The following DPP10 variants were observed in gnomAD, a reference collection of about 807,000 sequenced individuals.
The protein encoded by DPP10 is inactive dipeptidyl peptidase 10.
A neutral mutation model predicts 120.9 loss-of-function variants in DPP10; 33 were observed. The ratio of observed to expected loss-of-function variants is 0.27; its 90% confidence interval spans 0.21 to 0.37. The LOEUF is 0.37. DPP10 is among the 10% of genes least tolerant of loss of function. The probability of loss-of-function intolerance (pLI) is 1.00; values close to 1 mark genes in which losing one functional copy is unlikely to be tolerated. For synonymous variants in DPP10, 337 were observed against 326.1 expected (o/e 1.03, Z -0.36); for missense variants, 816 against 942.8 (o/e 0.87, Z 1.76).
chr2:115,342,420 G>T (rs538021757), intron 2 of DPP10, among the ~76,000 whole-genome samples: 3 of 152,132 alleles, frequency 2.0e-5, no homozygotes, highest in Admixed American at 1.3e-4. Context: ...CACCATGTTG[G>T]CTAGGCTGGC....
chr2:114,997,858 C>T (rs561073028), intron 1 of DPP10, among the ~76,000 whole-genome samples: 1 of 152,216 alleles, frequency 6.6e-6, no homozygotes, highest in South Asian at 2.1e-4. Flanking sequence ...TTGTATGTAC[C>T]TAATGAGATA....
At chr2:115,533,223 G>A (rs2078582752) in intron 5 of DPP10, among the ~76,000 whole-genome samples, 1 of 151,958 alleles carries the variant, frequency 6.6e-6, no homozygotes, top group African/African-American at 2.4e-5. Context: ...TACATAATGG[G>A]ACATAAATCT....
chr2:114,549,410 C>G (rs912724881), intron 1 of DPP10, among the ~76,000 whole-genome samples: 1 of 152,026 alleles, frequency 6.6e-6, no homozygotes, highest in Non-Finnish European at 1.5e-5. Context: ...CGCCTATAGT[C>G]CCAGCATTTT....
intron 2 of DPP10, among the ~76,000 whole-genome samples, chr2:115,318,575 G>C (rs1490997933): frequency 6.6e-6 from 1 of 151,924 alleles, no homozygotes; most frequent in African/African-American, 2.4e-5. Flanking sequence ...TTTCATTCTG[G>C]AAATAATTTA....
At chr2:114,852,306 C>A (rs1270259989) in intron 1 of DPP10, among the ~76,000 whole-genome samples, 1 of 151,898 alleles carries the variant, frequency 6.6e-6, no homozygotes, top group Non-Finnish European at 1.5e-5. Context: ...TCCTGATTGG[C>A]TCACTTTCAT....
At chr2:114,802,648 A>G (rs941906960) in intron 1 of DPP10, among the ~76,000 whole-genome samples, 2 of 152,204 alleles carry the variant, frequency 1.3e-5, no homozygotes, top group African/African-American at 4.8e-5. Flanking sequence ...CAAGGGAAAT[A>G]AATGAAATGA....
intron 1 of DPP10, among the ~76,000 whole-genome samples, chr2:115,155,790 A>G (rs963871514): frequency 6.6e-6 from 1 of 152,294 alleles, no homozygotes; most frequent in South Asian, 2.1e-4. Context: ...GATTTATGGT[A>G]TTTCATTTCA....
Position 115,251,170 on chromosome 2 carries a change from T to C in DPP10, c.61-58069T>C, listed in dbSNP as rs1250225547. 3.3e-5 allele frequency among the ~76,000 whole-genome samples: 5 copies of C among 152,334 alleles called. No homozygotes were observed. The East Asian group carries it at 7.7e-4, about 24-fold the overall frequency. On this transcript the variant is annotated intron_variant, in intron 1 of 25. Coordinates refer to ENST00000410059, the MANE Select transcript of DPP10 (RefSeq NM_020868.6). The stretch of plus-strand genomic sequence containing the variant: ...CTATCTTTATCTTGATTGGAATCTA[T>C]GACTATTTTAAACACTTTCTCCAAT...
chr2:114,663,727 C>A (rs1038828696), intron 1 of DPP10, among the ~76,000 whole-genome samples: 29 of 144,836 alleles, frequency 2.0e-4, no homozygotes, highest in African/African-American at 5.9e-4. Context: ...TCTAGAGCCA[C>A]CCTACTTGGA....
intron 1 of DPP10, among the ~76,000 whole-genome samples, chr2:114,444,032 G>C (rs975994750): frequency 6.6e-6 from 1 of 151,878 alleles, no homozygotes; most frequent in Non-Finnish European, 1.5e-5. Flanking sequence ...GGGTTTCCAG[G>C]GTATATTAAA....
chr2:115,379,622 C>G (rs1284771320), intron 3 of DPP10, among the ~76,000 whole-genome samples: 3 of 152,126 alleles, frequency 2.0e-5, no homozygotes, highest in Admixed American at 6.5e-5. Flanking sequence ...TCTTGCTTTT[C>G]TAGTTCTTTT....
intron 1 of DPP10, among the ~76,000 whole-genome samples, chr2:114,593,568 G>C (rs1488172819): frequency 1.3e-5 from 2 of 152,058 alleles, no homozygotes; most frequent in Admixed American, 1.3e-4. Flanking sequence ...ATTCATCGCA[G>C]TCGGTCTTTT....
At chr2:115,311,531 G>A (rs1425332865) in intron 2 of DPP10, among the ~76,000 whole-genome samples, 1 of 152,098 alleles carries the variant, frequency 6.6e-6, no homozygotes, top group African/African-American at 2.4e-5. Context: ...TAGTCTCCTG[G>A]GGTCAAATTA....
At chr2:114,582,580 T>C (rs1167213035) in intron 1 of DPP10, among the ~76,000 whole-genome samples, 4 of 152,240 alleles carry the variant, frequency 2.6e-5, no homozygotes, top group Non-Finnish European at 5.9e-5. Context: ...ACTCCTGTTG[T>C]TCAACATCTT....
At chr2:114,953,307 T>A (rs1193771263) in intron 1 of DPP10, among the ~76,000 whole-genome samples, 1 of 152,150 alleles carries the variant, frequency 6.6e-6, no homozygotes, top group East Asian at 1.9e-4. Flanking sequence ...ATAAAGTCTA[T>A]CTTTTTTATT....
In DPP10 at chr2:115,799,060, C is replaced by T. The variant is rs74854637; in HGVS notation, c.1700+7704C>T. Among the ~76,000 whole-genome samples, 1,515 of 152,088 alleles carry T rather than the reference C, an allele frequency of 1.0e-2. 18 individuals carry two copies. Among genetic ancestry groups the T allele is most frequent in the African/African-American group, 0.035 (1,454 of 41,500 alleles). On this transcript the variant is annotated intron_variant, in intron 19 of 25. Coordinates refer to ENST00000410059, the MANE Select transcript of DPP10 (RefSeq NM_020868.6). ...AGCCACAACTCACCCTAAAAAAGTG[C>T]TTCCGTTGATTTTTAGCTTTTTTAT... is the stretch of plus-strand genomic sequence containing the variant.
intron 5 of DPP10, among the ~76,000 whole-genome samples, chr2:115,592,855 C>CA (rs1210562879): frequency 2.0e-5 from 3 of 152,010 alleles, no homozygotes; most frequent in African/African-American, 4.8e-5. Flanking sequence ...AATTTTTCCC[C>CA]AAAAAAGATA....
chr2:114,774,397 A>C lies in DPP10; in HGVS notation c.60+331559A>C, dbSNP rs574189053. On this transcript the variant is annotated intron_variant, in intron 1 of 25. Transcript: ENST00000410059. ...AGAATGCCATATTTGGACCTATGAC[A>C]AAAAAAAAAGTAATCTTAAGTCAGG... 5.2e-3 allele frequency among the ~76,000 whole-genome samples: 761 copies of C among 146,442 alleles called. 5 individuals are homozygous for C. The highest frequency in any genetic ancestry group is 0.01 in the Middle Eastern group (3 of 286).
intron 5 of DPP10, among the ~76,000 whole-genome samples, chr2:115,668,530 C>T (rs1418403486): frequency 6.6e-6 from 1 of 152,118 alleles, no homozygotes; most frequent in Non-Finnish European, 1.5e-5. Context: ...GTTATCCAGG[C>T]TGTGGTACCC....
Sources: allele counts gnomAD v4.1 joint callset (sites outside exome capture counted in the v4.1 genomes callset), GRCh38; gene constraint gnomAD v4.1.1; transcripts MANE v1.5; gene names NCBI Gene and HGNC (gene_info 2026-07-23, HGNC 2026-07-21).